The following TRPS1 variants were observed in gnomAD, a reference collection of about 807,000 sequenced individuals.
The protein encoded by TRPS1 is zinc finger transcription factor Trps1.
Under a neutral mutation model 101.2 loss-of-function variants are expected in TRPS1, and 6 were observed. The observed-to-expected ratio is 0.06, with a 90% CI of 0.03 to 0.12. TRPS1 has a LOEUF of 0.12. TRPS1 is among the 10% of genes least tolerant of loss of function. TRPS1 has a pLI of 1.00. For synonymous variants in TRPS1, 578 were observed against 589.8 expected (o/e 0.98, Z 0.29); for missense variants, 1,363 against 1,567.0 (o/e 0.87, Z 2.20).
intron 4 of TRPS1, among the ~76,000 whole-genome samples, chr8:115,594,874 T>C (rs1383298570): frequency 6.6e-6 from 1 of 151,924 alleles, no homozygotes; most frequent in Non-Finnish European, 1.5e-5. Context: ...ACCCTGCAGC[T>C]GAGGGATGCC....
chr8:115,559,851 A>G (rs1221833247), intron 5 of TRPS1, among the ~76,000 whole-genome samples: 8 of 152,122 alleles, frequency 5.3e-5, no homozygotes, highest in South Asian at 2.1e-4. Flanking sequence ...GTTGACTTCA[A>G]TAACAGACAA....
intron 5 of TRPS1, among the ~76,000 whole-genome samples, chr8:115,431,334 T>C (rs1468853841): frequency 6.6e-6 from 1 of 152,090 alleles, no homozygotes; most frequent in African/African-American, 2.4e-5. Context: ...GCACAAAACT[T>C]ATACAAAGCG....
intron 5 of TRPS1, among the ~76,000 whole-genome samples, chr8:115,472,629 C>A (rs1394076463): frequency 3.9e-5 from 6 of 152,188 alleles, no homozygotes; most frequent in Non-Finnish European, 8.8e-5. Flanking sequence ...TGTCAGGCTG[C>A]AAATTTTCTG....
At chr8:115,428,743 T>TA (rs879574513) in intron 5 of TRPS1, among the ~76,000 whole-genome samples, 8 of 151,054 alleles carry the variant, frequency 5.3e-5, no homozygotes, top group Non-Finnish European at 1.0e-4. Flanking sequence ...AGTGGGAGAC[T>TA]AAAAAAAAAT....
intron 5 of TRPS1, among the ~76,000 whole-genome samples, chr8:115,535,599 C>T (rs1433788225): frequency 6.7e-6 from 1 of 150,316 alleles, no homozygotes; most frequent in African/African-American, 2.4e-5. Flanking sequence ...CGGTGGCTCA[C>T]CCCTGTAATC....
At chr8:115,563,705 C>A (rs1164640737) in intron 5 of TRPS1, among the ~76,000 whole-genome samples, 1 of 152,094 alleles carries the variant, frequency 6.6e-6, no homozygotes, top group Non-Finnish European at 1.5e-5. Context: ...CACAGGCCCT[C>A]CTAAAGTCTT....
chr8:115,472,478 G>T (rs1814497408), intron 5 of TRPS1, among the ~76,000 whole-genome samples: 2 of 152,176 alleles, frequency 1.3e-5, no homozygotes, highest in African/African-American at 4.8e-5. Flanking sequence ...TGGAGGGGCT[G>T]CTGTGAAGGC....
chr8:115,635,241 C>A (rs953777659), intron 1 of TRPS1, among the ~76,000 whole-genome samples: 2 of 152,176 alleles, frequency 1.3e-5, no homozygotes, highest in South Asian at 2.1e-4. Flanking sequence ...TACCACTTCC[C>A]TTTCATGGAA....
intron 4 of TRPS1, among the ~76,000 whole-genome samples, chr8:115,599,809 A>G (rs1242949604): frequency 6.6e-6 from 1 of 152,180 alleles, no homozygotes; most frequent in African/African-American, 2.4e-5. Flanking sequence ...ATACATGTGC[A>G]TGTGTCTTTA....
chr8:115,414,181 A>G lies in TRPS1; in HGVS notation c.3727T>C (p.Tyr1243His). ...CCATGGCAACTCATATGCAAAGCAT[A>G]CATCACTTCATCCAGAAAGACAATG... is the stretch of plus-strand genomic sequence containing the variant. The part of the protein sequence containing the change: ...CGIVFLDEVM[Y>H]ALHMSCHGDS... The change falls in exon 7 of 7, where the codon TAT becomes CAT. Residue 1243 changes from tyrosine to histidine, a missense_variant. This residue lies in a region of TRPS1 where 307 missense variants were observed against 392.4 expected (regional missense o/e 0.78). Coordinates refer to ENST00000395715, the MANE Select transcript of TRPS1 (RefSeq NM_014112.5). The surrounding 1 kb of genome is among the most constrained non-coding windows in gnomAD (Gnocchi z 4.8). 1 of 1,614,062 alleles carries G rather than the reference A, an allele frequency of 6.2e-7. No individual in the cohort carries two copies. Among genetic ancestry groups the G allele is most frequent in the Non-Finnish European group, 8.5e-7 (1 of 1,179,944 alleles).
chr8:115,589,416 T>C (rs1169981520), intron 4 of TRPS1, among the ~76,000 whole-genome samples: 1 of 152,190 alleles, frequency 6.6e-6, no homozygotes, highest in Admixed American at 6.5e-5. Context: ...AATTCAAAGG[T>C]ATAAAACATG....
At chr8:115,435,000 AG>A (rs1813413577) in intron 5 of TRPS1, among the ~76,000 whole-genome samples, 2 of 152,210 alleles carry the variant, frequency 1.3e-5, no homozygotes, top group Admixed American at 1.3e-4. Context: ...GAAGAACATA[AG>A]AAATGTGCTC....
At chr8:115,470,097 A>AGCC (rs1262579349) in intron 5 of TRPS1, among the ~76,000 whole-genome samples, 1 of 152,180 alleles carries the variant, frequency 6.6e-6, no homozygotes, top group Non-Finnish European at 1.5e-5. Context: ...AAGGAATACT[A>AGCC]ACTTCAAGAA....
Position 115,604,022 on chromosome 8 carries a change from C to A in TRPS1, c.1947G>T (p.Val649=), listed in dbSNP as rs770436607. The A allele has an allele frequency of 7.4e-6, 12 of 1,613,886 alleles. No individual in the cohort carries two copies. Among genetic ancestry groups the A allele is most frequent in the Non-Finnish European group, 5.1e-6 (6 of 1,179,992 alleles). ...TGACATCCGATGCTTGGGACTCATG[C>A]ACACTTTCATAGTGAAAGAGGAGTA... ...VDVLLFHYES[V]HESQASDVKQ... Residue 649 remains valine (V), a synonymous_variant, in exon 4 of 7, where the codon GTG becomes GTT. Coordinates refer to ENST00000395715, the MANE Select transcript of TRPS1 (RefSeq NM_014112.5). This position sits in a 1 kb window ranked among gnomAD's most constrained non-coding sequence, Gnocchi z 4.1.
rs574548357 is a variant in TRPS1, at chr8:115,478,213, T to C, written c.2701-59761A>G. ...ACCTATGCAATGTGATATAGAAAGA[T>C]AGAGTTTCATTTTCATTCAAATTTA... On this transcript the variant is annotated intron_variant, in intron 5 of 6. Transcript: ENST00000395715. Among the ~76,000 whole-genome samples, 10 of 152,336 alleles carry C rather than the reference T, an allele frequency of 6.6e-5. No homozygotes were observed. In the South Asian group the frequency reaches 1.0e-3, roughly 16 times the overall value.
At chr8:115,575,426 C>T (rs1291542223) in intron 5 of TRPS1, among the ~76,000 whole-genome samples, 1 of 152,056 alleles carries the variant, frequency 6.6e-6, no homozygotes. Context: ...TCTGAGTGTG[C>T]ATGTGCCTGT....
intron 5 of TRPS1, among the ~76,000 whole-genome samples, chr8:115,531,461 G>C (rs1212237497): frequency 6.6e-6 from 1 of 152,074 alleles, no homozygotes; most frequent in Non-Finnish European, 1.5e-5. Flanking sequence ...CTGAAGGAAG[G>C]GAAAAAGCTT....
At position 115,418,357 on chromosome 8, in the gene TRPS1, C is replaced by T. The variant is rs539395441; in HGVS notation, c.2796G>A (p.Ala932=). The change falls in exon 6 of 7, where the codon GCG becomes GCA. Residue 932 remains alanine, a synonymous_variant. Transcript: ENST00000395715. The surrounding 1 kb of genome is among the most constrained non-coding windows in gnomAD (Gnocchi z 4.3). ...AGTGAAGCTTCTGGTAGAGGCCACACGCGTTGCATACATATCCGCCATTTG... is the reference window on the plus strand; with the variant it reads ...AGTGAAGCTTCTGGTAGAGGCCACATGCGTTGCATACATATCCGCCATTTG... ...KNANGGYVCN[A]CGLYQKLHST... The T allele has an allele frequency of 1.0e-4, 166 of 1,613,954 alleles. No homozygotes were observed. Among genetic ancestry groups the T allele is most frequent in the Non-Finnish European group, 1.3e-4 (152 of 1,179,996 alleles).
At chr8:115,581,009 C>T (rs1457834759) in intron 5 of TRPS1, among the ~76,000 whole-genome samples, 4 of 151,864 alleles carry the variant, frequency 2.6e-5, no homozygotes, top group African/African-American at 7.3e-5. Flanking sequence ...AGGTGTCCAA[C>T]GACAGATAAA....
Sources: gnomAD v4.1 joint callset for allele counts (sites outside exome capture counted in the v4.1 genomes callset) on GRCh38, gnomAD v4.1.1 for gene constraint, gnomAD v4.1.1 regional missense constraint, Gnocchi (gnomAD v3.1) non-coding constraint, MANE v1.5 for transcripts, NCBI Gene and HGNC (gene_info 2026-07-23, HGNC 2026-07-21) for gene names.